PLD5: variants seen among roughly 807,000 people sequenced by gnomAD.
The protein encoded by PLD5 is inactive phospholipase D5.
PLD5 carries 36 observed loss-of-function variants against 61.1 expected under a neutral mutation model. That is an observed-to-expected ratio of 0.59 (90% CI 0.45 to 0.78). The LOEUF (loss-of-function observed/expected upper bound fraction) is 0.78. PLD5 is among the 30% of genes least tolerant of loss of function. PLD5 has a pLI of 0.00. For synonymous variants in PLD5, 243 were observed against 242.8 expected, an observed-to-expected ratio of 1.00 and a Z score of -0.01; for missense variants, 515 against 644.4, an observed-to-expected ratio of 0.80 and a Z score of 2.17.
chr1:242,284,233 G>A (rs1674893418), intron 3 of PLD5, among the ~76,000 whole-genome samples: 1 of 142,098 alleles, frequency 7.0e-6, no homozygotes, highest in Non-Finnish European at 1.5e-5. Flanking sequence ...CGCCTCCCGG[G>A]TTCCAGCAAT....
At position 242,089,615 on chromosome 1, in the gene PLD5, A is replaced by G. The variant is rs1262372297; in HGVS notation, c.*239T>C. The G allele has an allele frequency of 1.7e-6, 1 of 576,764 alleles. No homozygotes were observed. Among genetic ancestry groups the G allele is most frequent in the East Asian group, 2.9e-5 (1 of 34,862 alleles). 35.7% of individuals were successfully genotyped at this position (576,764 alleles called of 1,614,324 possible). On this transcript the variant is annotated 3_prime_UTR_variant, in exon 10 of 10. Coordinates refer to ENST00000536534, the MANE Select transcript of PLD5 (RefSeq NM_001372062.1). ...CTTAAAATTTGTATGCAAACGTAAA[A>G]ACTAACTTCTACGCCAGAATGACAT...
At chr1:242,319,361 A>C (rs1176634809) in intron 2 of PLD5, among the ~76,000 whole-genome samples, 1 of 150,644 alleles carries the variant, frequency 6.6e-6, no homozygotes, top group African/African-American at 2.5e-5. Context: ...TAGTCCCTAT[A>C]AATAAATACT....
At chr1:242,508,133 G>T (rs1668786176) in intron 1 of PLD5, among the ~76,000 whole-genome samples, 1 of 151,776 alleles carries the variant, frequency 6.6e-6, no homozygotes. Flanking sequence ...GGAGGCCAAG[G>T]TGGGCGGATC....
intron 1 of PLD5, among the ~76,000 whole-genome samples, chr1:242,464,327 C>T (rs1043464585): frequency 6.6e-6 from 1 of 152,172 alleles, no homozygotes; most frequent in Non-Finnish European, 1.5e-5. Flanking sequence ...AATGTCTACT[C>T]AACAGTGCTA....
intron 4 of PLD5, among the ~76,000 whole-genome samples, chr1:242,252,048 G>A (rs1299756245): frequency 6.6e-6 from 1 of 152,196 alleles, no homozygotes; most frequent in Non-Finnish European, 1.5e-5. Context: ...CATAGAGTGT[G>A]AGTATAGCTG....
At chr1:242,528,593 T>C (rs1327362680), upstream of PLD5, among the ~76,000 whole-genome samples, 8 of 152,222 alleles carry the variant, frequency 5.3e-5, no homozygotes, top group Admixed American at 5.2e-4. Context: ...GTAATGATAA[T>C]ACCTTACATT....
intron 1 of PLD5, among the ~76,000 whole-genome samples, chr1:242,494,910 T>C (rs1333476493): frequency 1.1e-4 from 17 of 150,108 alleles, no homozygotes; most frequent in Admixed American, 1.1e-3. Flanking sequence ...TTGTCCTGTG[T>C]CAGTTTTCTG....
chr1:242,317,868 C>A (rs964915539), intron 2 of PLD5, among the ~76,000 whole-genome samples: 2 of 152,126 alleles, frequency 1.3e-5, no homozygotes, highest in African/African-American at 4.8e-5. Flanking sequence ...AGCCTGTCAG[C>A]CTGACCAGGA....
At chr1:242,319,256 T>C (rs940456561) in intron 2 of PLD5, among the ~76,000 whole-genome samples, 1 of 151,916 alleles carries the variant, frequency 6.6e-6, no homozygotes, top group Non-Finnish European at 1.5e-5. Context: ...TTTTAACATC[T>C]CTCACCTTCA....
At chr1:242,502,836 G>T (rs1427717469) in intron 1 of PLD5, among the ~76,000 whole-genome samples, 1 of 152,010 alleles carries the variant, frequency 6.6e-6, no homozygotes, top group Non-Finnish European at 1.5e-5. Context: ...TGAGGTGGGC[G>T]GATCACCTGA....
At chr1:242,305,587 T>G (rs566603980) in intron 2 of PLD5, among the ~76,000 whole-genome samples, 1 of 151,630 alleles carries the variant, frequency 6.6e-6, no homozygotes, top group Non-Finnish European at 1.5e-5. Flanking sequence ...TGAGACGGAG[T>G]CTTGCTCTGT....
intron 5 of PLD5, among the ~76,000 whole-genome samples, chr1:242,208,911 G>A (rs1669618982): frequency 6.6e-6 from 1 of 152,154 alleles, no homozygotes; most frequent in African/African-American, 2.4e-5. Flanking sequence ...ATGCTAAAAT[G>A]CACAATTTGA....
chr1:242,110,571 A>G (rs1255818539), intron 7 of PLD5, among the ~76,000 whole-genome samples: 1 of 152,156 alleles, frequency 6.6e-6, no homozygotes, highest in African/African-American at 2.4e-5. Context: ...GTACTTTGGG[A>G]GGCTGAGGTG....
At chr1:242,431,466 C>A (rs1382185845) in intron 1 of PLD5, among the ~76,000 whole-genome samples, 1 of 152,208 alleles carries the variant, frequency 6.6e-6, no homozygotes, top group African/African-American at 2.4e-5. Flanking sequence ...TGCCTAAGCT[C>A]TTCCTATTTC....
chr1:242,494,878 C>CTTTTTTTTT lies in PLD5; in HGVS notation c.189+29209_189+29210insAAAAAAAAA, dbSNP rs556893161. On this transcript the variant is annotated intron_variant, in intron 1 of 9. Transcript: ENST00000536534. Reference sequence around the variant, plus strand: ...ACAACCCCCAATTTTTTTTTCTTTTCTGTTTTTTTTTTTTTGCTGTTTTGT... The same window carrying CTTTTTTTTT: ...ACAACCCCCAATTTTTTTTTCTTTTCTTTTTTTTTTGTTTTTTTTTTTTTGCTGTTTTGT... 1.4e-3 allele frequency among the ~76,000 whole-genome samples: 191 copies of CTTTTTTTTT among 135,694 alleles called. 3 individuals are homozygous for CTTTTTTTTT. The highest frequency in any genetic ancestry group is 2.9e-3 in the East Asian group (13 of 4,434). 89.0% of individuals were successfully genotyped at this position (135,694 alleles called of 152,430 possible).
chr1:242,373,314 G>C (rs1661752494), intron 1 of PLD5, among the ~76,000 whole-genome samples: 1 of 152,182 alleles, frequency 6.6e-6, no homozygotes, highest in African/African-American at 2.4e-5. Flanking sequence ...GTGCTGGAGA[G>C]GATGTGGAGA....
At chr1:242,412,570 C>T (rs544235886) in intron 1 of PLD5, among the ~76,000 whole-genome samples, 1 of 152,322 alleles carries the variant, frequency 6.6e-6, no homozygotes, top group African/African-American at 2.4e-5. Flanking sequence ...TGAAATCGTA[C>T]AGTACGTAAC....
intron 5 of PLD5, among the ~76,000 whole-genome samples, chr1:242,146,925 G>A (rs1664584962): frequency 6.6e-6 from 1 of 152,098 alleles, no homozygotes; most frequent in Non-Finnish European, 1.5e-5. Flanking sequence ...AACAGTTCAT[G>A]TATTCAAAAC....
chr1:242,389,228 T>C (rs1475910841), intron 1 of PLD5, among the ~76,000 whole-genome samples: 1 of 152,160 alleles, frequency 6.6e-6, no homozygotes, highest in Non-Finnish European at 1.5e-5. Flanking sequence ...TAAATACTTT[T>C]CCTAAGTGTA....
Sources: gnomAD v4.1 joint callset for allele counts (sites outside exome capture counted in the v4.1 genomes callset) on GRCh38, gnomAD v4.1.1 for gene constraint, MANE v1.5 for transcripts, NCBI Gene and HGNC (gene_info 2026-07-23, HGNC 2026-07-21) for gene names.